The following GNA12 variants were observed in gnomAD, a reference collection of about 807,000 sequenced individuals.
The protein encoded by GNA12 is guanine nucleotide-binding protein subunit alpha-12.
A neutral mutation model predicts 26.0 loss-of-function variants in GNA12; 9 were observed. That is an observed-to-expected ratio of 0.35 (90% confidence interval 0.21 to 0.60). The LOEUF is 0.60. Ranked by LOEUF, GNA12 falls within the 20% of genes least tolerant of loss-of-function variation. GNA12 has a pLI of 0.78. For synonymous variants in GNA12, 264 were observed against 219.6 expected (o/e 1.20, Z -1.79); for missense variants, 405 against 525.8 (o/e 0.77, Z 2.25).
At chr7:2,820,583 A>C (rs2644295) in intron 1 of GNA12, among the ~76,000 whole-genome samples, 60,845 of 151,900 alleles carry the variant, frequency 0.4, 12,470 homozygotes, top group Admixed American at 0.46. Flanking sequence ...AGAAAGTCCC[A>C]AGCGCTGTAA....
At chr7:2,779,714 G>A (rs147176993) in intron 2 of GNA12, among the ~76,000 whole-genome samples, 3,559 of 151,992 alleles carry the variant, frequency 0.023, 101 homozygotes, top group Middle Eastern at 0.075. Flanking sequence ...TTCTCATGCT[G>A]CAGCCTCCTG....
At chr7:2,773,234 G>A (rs528211126) in intron 2 of GNA12, among the ~76,000 whole-genome samples, 1 of 152,298 alleles carries the variant, frequency 6.6e-6, no homozygotes, top group African/African-American at 2.4e-5. Context: ...CCTAAGATTT[G>A]TGCATTTTGC....
At chr7:2,811,184 C>G (rs1793073012) in intron 1 of GNA12, among the ~76,000 whole-genome samples, 1 of 152,184 alleles carries the variant, frequency 6.6e-6, no homozygotes, top group African/African-American at 2.4e-5. Flanking sequence ...TCCAGGCGAA[C>G]CATTTCAGGT....
rs972009437 is a variant in GNA12 at position 2,777,578 on chromosome 7, T to C, written c.525+17350A>G. ...GAGCATGACCTGATTAGTGCCCTTATAAGAAGACGGAGAGACATCAGAGCT... is the reference window on the plus strand; with the variant it reads ...GAGCATGACCTGATTAGTGCCCTTACAAGAAGACGGAGAGACATCAGAGCT... On this transcript the variant is annotated intron_variant, in intron 2 of 3. Coordinates refer to ENST00000275364, the MANE Select transcript of GNA12 (RefSeq NM_007353.3). Among the ~76,000 whole-genome samples the C allele has an allele frequency of 3.9e-4, 60 of 152,238 alleles. 1 individual carries two copies. The highest frequency in any genetic ancestry group is 1.3e-3 in the African/African-American group (53 of 41,526).
chr7:2,761,001 A>ATGGG (rs1290191185), intron 2 of GNA12, among the ~76,000 whole-genome samples: 1 of 152,150 alleles, frequency 6.6e-6, no homozygotes, highest in Non-Finnish European at 1.5e-5. Flanking sequence ...CTCACAGTTC[A>ATGGG]TGGGTAGTTT....
At chr7:2,780,397 A>C (rs1379688999) in intron 2 of GNA12, among the ~76,000 whole-genome samples, 1 of 152,176 alleles carries the variant, frequency 6.6e-6, no homozygotes, top group Non-Finnish European at 1.5e-5. Context: ...TTATAACAAT[A>C]TAGGAAAAAT....
chr7:2,822,575 C>T (rs967569197), intron 1 of GNA12, among the ~76,000 whole-genome samples: 1 of 152,124 alleles, frequency 6.6e-6, no homozygotes, highest in Non-Finnish European at 1.5e-5. Flanking sequence ...AGAAAAAGGA[C>T]TGCAAGCCCA....
chr7:2,794,723 A>T (rs1293838467), intron 2 of GNA12: 1 of 590,830 alleles, frequency 1.7e-6, no homozygotes, highest in East Asian at 2.8e-5. Context: ...ATCTTACCTG[A>T]GTGGCTCTTG....
At chr7:2,782,905 T>C (rs1792266187) in intron 2 of GNA12, among the ~76,000 whole-genome samples, 2 of 152,354 alleles carry the variant, frequency 1.3e-5, no homozygotes, top group African/African-American at 4.8e-5. Context: ...TAATACTTTG[T>C]TGCCTAACAT....
intron 1 of GNA12, among the ~76,000 whole-genome samples, chr7:2,834,994 T>C (rs1433214517): frequency 1.3e-5 from 2 of 152,184 alleles, no homozygotes; most frequent in African/African-American, 2.4e-5. Flanking sequence ...TGCGTGACTA[T>C]ACATCTGCAT....
At chr7:2,815,904 G>A (rs1239510892) in intron 1 of GNA12, among the ~76,000 whole-genome samples, 1 of 152,198 alleles carries the variant, frequency 6.6e-6, no homozygotes, top group Non-Finnish European at 1.5e-5. Flanking sequence ...TGAAAATAAG[G>A]GAGATAGTTT....
intron 1 of GNA12, among the ~76,000 whole-genome samples, chr7:2,836,900 G>C (rs141344843): frequency 4.5e-4 from 69 of 152,140 alleles, no homozygotes; most frequent in African/African-American, 1.6e-3. Flanking sequence ...CTCCAGCCCG[G>C]GCAACAAGAG....
At chr7:2,757,394 G>A (rs935941607) in intron 2 of GNA12, among the ~76,000 whole-genome samples, 2 of 152,152 alleles carry the variant, frequency 1.3e-5, no homozygotes, top group African/African-American at 4.8e-5. Context: ...AAAGCACACA[G>A]CCGTGTTATG....
At chr7:2,822,975 C>T (rs1322775243) in intron 1 of GNA12, among the ~76,000 whole-genome samples, 2 of 152,182 alleles carry the variant, frequency 1.3e-5, no homozygotes, top group African/African-American at 4.8e-5. Flanking sequence ...CCCTGGCCTC[C>T]CATTACTGGA....
rs549827105 is a variant in GNA12, at chr7:2,754,577, T to C, written c.526-21076A>G. 3.7e-5 allele frequency among the ~76,000 whole-genome samples: 5 copies of C among 135,334 alleles called. No individual in the cohort carries two copies. The Admixed American group carries it at 3.8e-4, about 10-fold the overall frequency. The allele number at this position is 135,334 out of a possible 152,430, so 88.8% of individuals were successfully genotyped here. ...GGGCAACATAGTGAGACCTCATCTCTACTTTAAAAAAAAAAAAAAAATTAG... is the reference window on the plus strand; with the variant it reads ...GGGCAACATAGTGAGACCTCATCTCCACTTTAAAAAAAAAAAAAAAATTAG... On this transcript the variant is annotated intron_variant, in intron 2 of 3. Transcript: ENST00000275364.
chr7:2,795,003 G>A lies in GNA12; in HGVS notation c.450C>T (p.Tyr150=), dbSNP rs749273521. 5.6e-6 allele frequency: 9 copies of A among 1,614,034 alleles called. No individual in the cohort carries two copies. Among genetic ancestry groups the A allele is most frequent in the African/African-American group, 2.7e-5 (2 of 74,912 alleles). The part of the protein sequence containing the change: ...LPVEPATFQL[Y]VPALSALWRD... The stretch of plus-strand genomic sequence containing the variant: ...TCCAGAGTGCGCTCAGGGCCGGGAC[G>A]TACAGCTGGAAGGTGGCCGGCTCCA... The change falls in exon 2 of 4, where the codon TAC becomes TAT. Residue 150 remains tyrosine, a synonymous_variant. Transcript: ENST00000275364.
intron 2 of GNA12, among the ~76,000 whole-genome samples, chr7:2,771,177 G>C: frequency 6.6e-6 from 1 of 152,168 alleles, no homozygotes; most frequent in South Asian, 2.1e-4. Context: ...TATAATCCCA[G>C]CTACTCGGGA....
At chr7:2,772,402 T>G (rs1222645049) in intron 2 of GNA12, among the ~76,000 whole-genome samples, 1 of 151,924 alleles carries the variant, frequency 6.6e-6, no homozygotes, top group Non-Finnish European at 1.5e-5. Context: ...CTACTAAAAA[T>G]GCAAAAAATT....
rs567922612 is a variant in GNA12 at position 2,838,948 on chromosome 7, G to A, written c.309+4905C>T. Among the ~76,000 whole-genome samples, 13 of 152,262 alleles carry A rather than the reference G, an allele frequency of 8.5e-5. No individual in the cohort carries two copies. The South Asian group carries it at 2.7e-3, about 32-fold the overall frequency. ...AGACAAATCCACAATTATAGTTGAGGACTCTTAACTGACAGAACTACTGAA... is the reference window on the plus strand; with the variant it reads ...AGACAAATCCACAATTATAGTTGAGAACTCTTAACTGACAGAACTACTGAA... On this transcript the variant is annotated intron_variant, in intron 1 of 3. Transcript: ENST00000275364.
Sources: gnomAD v4.1 joint callset for allele counts (sites outside exome capture counted in the v4.1 genomes callset) on GRCh38, gnomAD v4.1.1 for gene constraint, MANE v1.5 for transcripts, NCBI Gene and HGNC (gene_info 2026-07-23, HGNC 2026-07-21) for gene names.